Variants in ACYP2 observed in about 807,000 individuals in gnomAD.
The protein encoded by ACYP2 is acylphosphatase 2.
In ACYP2, 12 loss-of-function variants were observed where a neutral mutation model predicts 11.2. The observed-to-expected ratio is 1.08, with a 90% CI of 0.69 to 1.74. ACYP2 has a LOEUF of 1.74. Ranked by LOEUF, ACYP2 falls within the 40% of genes most tolerant of loss-of-function variation. The pLI, the probability that ACYP2 is intolerant of heterozygous loss-of-function variation, is 0.00. For synonymous variants in ACYP2, 43 were observed against 32.2 expected (o/e 1.33, Z -1.13); for missense variants, 134 against 101.9 (o/e 1.31, Z -1.35).
chr2:54,054,339 G>T (rs1248323496), intron 3 of ACYP2, among the ~76,000 whole-genome samples: 1 of 152,112 alleles, frequency 6.6e-6, no homozygotes, highest in Non-Finnish European at 1.5e-5. Flanking sequence ...ATGTAAAAAA[G>T]GTTCTTCTTT....
chr2:54,215,382 GT>G (rs1372271869), intron 6 of ACYP2, among the ~76,000 whole-genome samples: 3 of 152,124 alleles, frequency 2.0e-5, no homozygotes, highest in African/African-American at 7.2e-5. Flanking sequence ...TTGGCTGTGG[GT>G]TTGTTATAGA....
rs1046815707 is a variant in ACYP2, at chr2:54,243,813, G to T, written c.405-60875G>T. On this transcript the variant is annotated intron_variant, in intron 6 of 6. Transcript: ENST00000607452. ...TTGTCTCGAACTCCTGGCCTCAAGTGATCTGCCTGCCTTGGCCTTCCAAAG... is the reference window on the plus strand; with the variant it reads ...TTGTCTCGAACTCCTGGCCTCAAGTTATCTGCCTGCCTTGGCCTTCCAAAG... Among the ~76,000 whole-genome samples the T allele has an allele frequency of 3.9e-5, 6 of 152,052 alleles. No individual in the cohort carries two copies. The South Asian group carries it at 1.0e-3, about 26-fold the overall frequency.
At chr2:54,046,978 T>A (rs1471533779) in intron 2 of ACYP2, among the ~76,000 whole-genome samples, 4 of 152,210 alleles carry the variant, frequency 2.6e-5, no homozygotes, top group African/African-American at 9.6e-5. Flanking sequence ...CATGATAGTG[T>A]CTACCTCATA....
At chr2:54,018,138 CA>C (rs1673799341) in intron 2 of ACYP2, among the ~76,000 whole-genome samples, 1 of 152,162 alleles carries the variant, frequency 6.6e-6, no homozygotes, top group Non-Finnish European at 1.5e-5. Context: ...TTCTGTATTG[CA>C]ATAGCTAGGT....
chr2:54,221,298 T>C (rs1356492081), intron 6 of ACYP2, among the ~76,000 whole-genome samples: 3 of 152,198 alleles, frequency 2.0e-5, no homozygotes, highest in Non-Finnish European at 4.4e-5. Flanking sequence ...GGGTGCTTTA[T>C]TATGTAGGAT....
At chr2:54,096,754 G>A (rs1445268660) in intron 4 of ACYP2, among the ~76,000 whole-genome samples, 2 of 152,230 alleles carry the variant, frequency 1.3e-5, no homozygotes, top group African/African-American at 4.8e-5. Context: ...AATCAGGCAG[G>A]GAGGTTGCAG....
At chr2:54,035,195 A>G (rs1387859484) in intron 2 of ACYP2, among the ~76,000 whole-genome samples, 1 of 151,668 alleles carries the variant, frequency 6.6e-6, no homozygotes, top group Non-Finnish European at 1.5e-5. Context: ...TTTCATGAGC[A>G]AAGGTATTCA....
chr2:54,269,512 A>T (rs1047319759), intron 6 of ACYP2, among the ~76,000 whole-genome samples: 1 of 152,218 alleles, frequency 6.6e-6, no homozygotes, highest in African/African-American at 2.4e-5. Flanking sequence ...CAAAGGTATA[A>T]CCATCATCAC....
At chr2:54,255,564 C>CA in intron 6 of ACYP2, 1 of 1,608,660 alleles carries the variant, frequency 6.2e-7, no homozygotes, top group Non-Finnish European at 8.5e-7. Flanking sequence ...GACCCACGTT[C>CA]AGGGGCCCGG....
At chr2:54,253,706 A>G (rs566190779) in intron 6 of ACYP2, 2 of 152,362 alleles carry the variant, frequency 1.3e-5, no homozygotes, top group East Asian at 1.9e-4. Flanking sequence ...ACCCATCACA[A>G]TCTCTTTAGT....
At chr2:53,984,093 C>G (rs1426891929) in intron 2 of ACYP2, among the ~76,000 whole-genome samples, 2 of 152,058 alleles carry the variant, frequency 1.3e-5, no homozygotes, top group African/African-American at 4.8e-5. Context: ...TCATCATCAT[C>G]ATAACAAAGG....
chr2:54,087,206 G>A (rs1677989674), intron 4 of ACYP2, among the ~76,000 whole-genome samples: 1 of 152,152 alleles, frequency 6.6e-6, no homozygotes, highest in Non-Finnish European at 1.5e-5. Flanking sequence ...ATTAATCCAT[G>A]GGAAAGTTTG....
intron 2 of ACYP2, among the ~76,000 whole-genome samples, chr2:54,031,947 T>C (rs888006584): frequency 6.6e-6 from 1 of 152,246 alleles, no homozygotes; most frequent in Non-Finnish European, 1.5e-5. Flanking sequence ...TCTGTTCATA[T>C]CCTTCGCCCA....
At chr2:54,297,302 T>G (rs1348691574) in intron 6 of ACYP2, among the ~76,000 whole-genome samples, 3 of 148,164 alleles carry the variant, frequency 2.0e-5, no homozygotes, top group African/African-American at 7.9e-5. Flanking sequence ...AAGACCAGCC[T>G]GGGCAACATA....
At chr2:54,152,786 A>G (rs750603055) in intron 6 of ACYP2, among the ~76,000 whole-genome samples, 26 of 152,012 alleles carry the variant, frequency 1.7e-4, no homozygotes, top group Non-Finnish European at 3.2e-4. Context: ...AGTTGTTTAT[A>G]TATTCACTTA....
chr2:54,071,616 C>T (rs746647116), intron 4 of ACYP2, among the ~76,000 whole-genome samples: 3 of 152,026 alleles, frequency 2.0e-5, no homozygotes, highest in Admixed American at 6.6e-5. Flanking sequence ...CAGGTGTGCA[C>T]CACCACACCC....
chr2:54,183,823 T>A (rs116070930), intron 6 of ACYP2, among the ~76,000 whole-genome samples: 3,428 of 152,294 alleles, frequency 0.023, 67 homozygotes, highest in Non-Finnish European at 0.027. Context: ...TATAATTTAA[T>A]CTTATATTTT....
chr2:54,067,336 CAGA>C lies in ACYP2; in HGVS notation c.277+9985_277+9987del, dbSNP rs536529751. On this transcript the variant is annotated intron_variant, in intron 4 of 6. Transcript: ENST00000607452. ...AAGCATTGTCATTGTATAAAATTTACAGAAGAAGAAGGCGAAATAAGTTTTCCA... is the reference window on the plus strand; with the variant it reads ...AAGCATTGTCATTGTATAAAATTTACAGAAGAAGGCGAAATAAGTTTTCCA... 4.8e-4 allele frequency among the ~76,000 whole-genome samples: 73 copies of C among 152,238 alleles called. 1 individual carries two copies. In the South Asian group the frequency reaches 8.9e-3, roughly 19 times the overall value.
chr2:54,249,358 T>C (rs1687102180), intron 6 of ACYP2, among the ~76,000 whole-genome samples: 1 of 150,700 alleles, frequency 6.6e-6, no homozygotes, highest in South Asian at 2.1e-4. Flanking sequence ...CCTTATTTCC[T>C]ACCTCGGTGG....
Sources: allele counts gnomAD v4.1 joint callset (sites outside exome capture counted in the v4.1 genomes callset), GRCh38; gene constraint gnomAD v4.1.1; transcripts MANE v1.5; gene names NCBI Gene and HGNC (gene_info 2026-07-23, HGNC 2026-07-21).